MTMR6: variants seen among roughly 807,000 people sequenced by gnomAD.
MTMR6 encodes phosphatidylinositol-3,5-bisphosphate 3-phosphatase MTMR6.
MTMR6 carries 47 observed loss-of-function variants against 80.1 expected under a neutral mutation model. That is an observed-to-expected ratio of 0.59 (90% CI 0.46 to 0.75). The LOEUF is 0.75. Among genes scored for constraint, MTMR6 ranks in the 30% least tolerant of loss-of-function variants. The pLI is 0.00. For synonymous variants in MTMR6, 254 were observed against 253.0 expected (o/e 1.00, Z -0.04); for missense variants, 629 against 730.9 (o/e 0.86, Z 1.61).
At chr13:25,271,806 C>T (rs577586837) in intron 2 of MTMR6, among the ~76,000 whole-genome samples, 1 of 152,262 alleles carries the variant, frequency 6.6e-6, no homozygotes, top group African/African-American at 2.4e-5. Context: ...ATATGAAACA[C>T]ACTGTATATG....
intron 5 of MTMR6, among the ~76,000 whole-genome samples, chr13:25,265,528 G>C (rs1957436062): frequency 6.6e-6 from 1 of 152,132 alleles, no homozygotes; most frequent in Admixed American, 6.5e-5. Flanking sequence ...GATCACTTGA[G>C]GTCAGGAGTT....
At position 25,246,637 on chromosome 13, in the gene MTMR6, T is replaced by C. The variant is rs1214219861; in HGVS notation, c.*2595A>G. Reference sequence around the variant, plus strand: ...TATAGTTTTATAAATGATCAGCATTTAATCCAACTTAGCATGTCAACTGGA... The same window carrying C: ...TATAGTTTTATAAATGATCAGCATTCAATCCAACTTAGCATGTCAACTGGA... On this transcript the variant is annotated 3_prime_UTR_variant, in exon 14 of 14. Transcript: ENST00000381801. 1.3e-5 allele frequency: 2 copies of C among 152,708 alleles called. No homozygotes were observed. Among genetic ancestry groups the C allele is most frequent in the Non-Finnish European group, 2.9e-5 (2 of 68,042 alleles). The allele number at this position is 152,708 out of a possible 1,614,324, so 9.5% of individuals were successfully genotyped here.
At chr13:25,254,337 T>G in intron 10 of MTMR6, 48 bp downstream of exon 10, 1 of 1,354,836 alleles carries the variant, frequency 7.4e-7, no homozygotes, top group Non-Finnish European at 1.1e-6. Context: ...CATTCTAAAC[T>G]TGGTTTACTA....
At chr13:25,252,587 A>AT (rs1283037089) in intron 11 of MTMR6, among the ~76,000 whole-genome samples, 1 of 152,184 alleles carries the variant, frequency 6.6e-6, no homozygotes, top group Non-Finnish European at 1.5e-5. Flanking sequence ...AAATCTCCTG[A>AT]TTTTTCCATA....
At position 25,251,580 on chromosome 13, in the gene MTMR6, A is replaced by G. The variant is rs1487738103; in HGVS notation, c.1605+69T>C. The G allele has an allele frequency of 7.6e-7, 1 of 1,317,144 alleles. No individual in the cohort carries two copies. The highest frequency in any genetic ancestry group is 1.0e-6 in the Non-Finnish European group (1 of 956,744). The allele number at this position is 1,317,144 out of a possible 1,614,324, so 81.6% of individuals were successfully genotyped here. ...GTTTATGTGCTGATTTACACCAACA[A>G]TACAAATATTAGTCTAATCGTAAAC... is the stretch of plus-strand genomic sequence containing the variant. On this transcript the variant is annotated intron_variant, in intron 13 of 13. Coordinates refer to ENST00000381801, the MANE Select transcript of MTMR6 (RefSeq NM_004685.5). This position sits in a 1 kb window ranked among gnomAD's most constrained non-coding sequence, Gnocchi z 4.1.
chr13:25,256,223 G>A (rs147777187), intron 9 of MTMR6, among the ~76,000 whole-genome samples: 17 of 152,228 alleles, frequency 1.1e-4, no homozygotes, highest in African/African-American at 3.4e-4. Context: ...GATTTACACT[G>A]TTCCTATTGC....
At chr13:25,258,191 T>G (rs986523783) in intron 7 of MTMR6, among the ~76,000 whole-genome samples, 3 of 152,144 alleles carry the variant, frequency 2.0e-5, no homozygotes, top group African/African-American at 7.2e-5. Flanking sequence ...CTCAAGAATA[T>G]CTATCTAATA....
chr13:25,260,052 G>A (rs781535465), intron 6 of MTMR6, among the ~76,000 whole-genome samples: 5 of 151,878 alleles, frequency 3.3e-5, no homozygotes, highest in Middle Eastern at 3.4e-3. Flanking sequence ...TAGTAGAGAC[G>A]GGGTTTTGCC....
chr13:25,258,391 C>T (rs571476629), intron 7 of MTMR6, among the ~76,000 whole-genome samples, 169 bp downstream of exon 7: 34 of 152,052 alleles, frequency 2.2e-4, no homozygotes, highest in African/African-American at 7.9e-4. Context: ...ATATTGACTA[C>T]ATGTTAAAAT....
At chr13:25,257,891 T>C (rs758087423) in intron 7 of MTMR6, 46 bp from the exon 8 acceptor site, 3 of 1,382,742 alleles carry the variant, frequency 2.2e-6, no homozygotes, top group African/African-American at 2.9e-5. Context: ...GGCTAGAGTT[T>C]CTGCATTTCT....
At chr13:25,268,030 A>G in intron 2 of MTMR6, 89 bp from the exon 3 acceptor site, 4 of 1,326,980 alleles carry the variant, frequency 3.0e-6, no homozygotes, top group Non-Finnish European at 2.0e-6. Flanking sequence ...TGTCTTCCTC[A>G]AAAAAAGTTG....
intron 8 of MTMR6, 129 bp downstream of exon 8, chr13:25,257,607 G>A: frequency 1.4e-6 from 1 of 699,286 alleles, no homozygotes; most frequent in Non-Finnish European, 2.3e-6. Context: ...AAAATAAAGT[G>A]AAGCTCATTA....
intron 2 of MTMR6, among the ~76,000 whole-genome samples, chr13:25,269,717 C>T (rs1225409957): frequency 6.6e-6 from 1 of 151,676 alleles, no homozygotes; most frequent in Non-Finnish European, 1.5e-5. Context: ...CTAAAGTTCA[C>T]CTGCAAAATT....
At chr13:25,255,656 T>C (rs574187243) in intron 9 of MTMR6, among the ~76,000 whole-genome samples, 32 of 152,304 alleles carry the variant, frequency 2.1e-4, no homozygotes, top group Non-Finnish European at 2.4e-4. Flanking sequence ...CCTGAGTAGC[T>C]GGGATTATAG....
At chr13:25,269,244 A>G (rs1957517011) in intron 2 of MTMR6, among the ~76,000 whole-genome samples, 1 of 152,166 alleles carries the variant, frequency 6.6e-6, no homozygotes, top group Admixed American at 6.5e-5. Context: ...AAAGCTTGCA[A>G]ATGTTATATA....
intron 9 of MTMR6, 74 bp downstream of exon 9, chr13:25,257,122 T>A: frequency 2.1e-6 from 3 of 1,452,126 alleles, no homozygotes; most frequent in Non-Finnish European, 2.8e-6. Context: ...TCTCCAACAT[T>A]GCCAAATGTC....
intron 8 of MTMR6, 105 bp downstream of exon 8, chr13:25,257,628 AAAT>A (rs1177461874): frequency 1.1e-4 from 90 of 805,072 alleles, no homozygotes; most frequent in Middle Eastern, 2.3e-4. Context: ...AAGAGGTAAA[AAAT>A]AATAAAAGTT....
At chr13:25,263,275 T>A (rs1432529984) in intron 5 of MTMR6, among the ~76,000 whole-genome samples, 2 of 152,210 alleles carry the variant, frequency 1.3e-5, no homozygotes, top group East Asian at 3.9e-4. Flanking sequence ...CTTGAGCAGG[T>A]ATATAACTGA....
In MTMR6 at chr13:25,251,442, C is replaced by T. The variant is rs1957087219; in HGVS notation, c.1605+207G>A. ...TTATTATGTTTATCTATACGTTATG[C>T]TATATACTTCCGGTATTTTAATGTA... On this transcript the variant is annotated intron_variant, in intron 13 of 13. Coordinates refer to ENST00000381801, the MANE Select transcript of MTMR6 (RefSeq NM_004685.5). The surrounding 1 kb of genome is among the most constrained non-coding windows in gnomAD (Gnocchi z 4.1). Among the ~76,000 whole-genome samples, 1 of 152,158 alleles carries T rather than the reference C, an allele frequency of 6.6e-6. No individual in the cohort carries two copies. Among genetic ancestry groups the T allele is most frequent in the African/African-American group, 2.4e-5 (1 of 41,428 alleles).
Sources: allele counts gnomAD v4.1 joint callset (sites outside exome capture counted in the v4.1 genomes callset), GRCh38; gene constraint gnomAD v4.1.1; non-coding constraint Gnocchi (gnomAD v3.1); transcripts MANE v1.5; gene names NCBI Gene and HGNC (gene_info 2026-07-23, HGNC 2026-07-21).